TSPAN9: variants seen among roughly 807,000 people sequenced by gnomAD.
The protein encoded by TSPAN9 is tetraspanin 9, also known as tetraspanin-9.
A neutral mutation model predicts 31.0 loss-of-function variants in TSPAN9; 16 were observed. That is an observed-to-expected ratio of 0.52 (90% CI 0.35 to 0.78). The LOEUF (loss-of-function observed/expected upper bound fraction) is 0.78, where lower values mean the gene tolerates loss of function less well. TSPAN9 is among the 30% of genes least tolerant of loss of function. The pLI is 0.01. For synonymous variants in TSPAN9, 145 were observed against 121.6 expected, an observed-to-expected ratio of 1.19 and a Z score of -1.27; for missense variants, 272 against 312.5, an observed-to-expected ratio of 0.87 and a Z score of 0.98.
At chr12:3,096,806 C>T (rs1245659204) in intron 2 of TSPAN9, among the ~76,000 whole-genome samples, 2 of 152,080 alleles carry the variant, frequency 1.3e-5, no homozygotes, top group Non-Finnish European at 2.9e-5. Flanking sequence ...CATTCTCCTG[C>T]CTCAGCCTCC....
intron 2 of TSPAN9, among the ~76,000 whole-genome samples, chr12:3,118,504 G>T (rs1223484814): frequency 6.6e-6 from 1 of 151,700 alleles, no homozygotes; most frequent in African/African-American, 2.4e-5. Context: ...CAGATGATCC[G>T]ACCGCCTTGG....
chr12:3,115,273 C>T (rs1457117438), intron 2 of TSPAN9, among the ~76,000 whole-genome samples: 2 of 152,228 alleles, frequency 1.3e-5, no homozygotes, highest in African/African-American at 2.4e-5. Context: ...CTTTTTAGGG[C>T]TCAGTAATAT....
intron 2 of TSPAN9, among the ~76,000 whole-genome samples, chr12:3,127,782 G>A (rs1449608863): frequency 1.3e-5 from 2 of 152,162 alleles, no homozygotes; most frequent in Non-Finnish European, 2.9e-5. Flanking sequence ...ATAATTGTAT[G>A]TGCTGTGGTA....
At chr12:3,222,855 C>T (rs2098385232) in intron 3 of TSPAN9, among the ~76,000 whole-genome samples, 1 of 152,226 alleles carries the variant, frequency 6.6e-6, no homozygotes, top group East Asian at 1.9e-4. Context: ...CCAGCTGACC[C>T]TGATCCTCAC....
chr12:3,222,138 A>G (rs1431715000), intron 3 of TSPAN9, among the ~76,000 whole-genome samples: 1 of 152,128 alleles, frequency 6.6e-6, no homozygotes, highest in Non-Finnish European at 1.5e-5. Context: ...AATTCTTCCA[A>G]TAAGCATTTA....
intron 3 of TSPAN9, among the ~76,000 whole-genome samples, chr12:3,208,512 CTGG>C (rs1654484088): frequency 6.6e-6 from 1 of 152,200 alleles, no homozygotes; most frequent in African/African-American, 2.4e-5. Context: ...GCCAGCTGGG[CTGG>C]TGGTCACAGT....
rs564534164 is a variant in TSPAN9 at position 3,220,167 on chromosome 12, A to C, written c.63+18911A>C. 4.9e-4 allele frequency among the ~76,000 whole-genome samples: 74 copies of C among 151,112 alleles called. 1 individual carries two copies. In the South Asian group the frequency reaches 0.015, roughly 30 times the overall value. The stretch of plus-strand genomic sequence containing the variant: ...TCTCAAAAAAAAAAAAAAGGAATGA[A>C]TCTAGGAAGTTTCTTCAAAGAGACC... On this transcript the variant is annotated intron_variant, in intron 3 of 8. Transcript: ENST00000011898.
At chr12:3,239,956 A>AGAGGCCT (rs1025837144) in intron 3 of TSPAN9, among the ~76,000 whole-genome samples, 2 of 152,066 alleles carry the variant, frequency 1.3e-5, no homozygotes, top group African/African-American at 4.8e-5. Flanking sequence ...GGTGCAGAGG[A>AGAGGCCT]GAGGCCTGAC....
intron 2 of TSPAN9, among the ~76,000 whole-genome samples, chr12:3,102,777 G>A (rs750898774): frequency 6.6e-6 from 1 of 152,198 alleles, no homozygotes; most frequent in Non-Finnish European, 1.5e-5. Flanking sequence ...GCACAGCATG[G>A]TGACTACAGT....
intron 2 of TSPAN9, among the ~76,000 whole-genome samples, chr12:3,148,152 T>C (rs1254906845): frequency 6.6e-6 from 1 of 152,174 alleles, no homozygotes; most frequent in Non-Finnish European, 1.5e-5. Flanking sequence ...ATGGATTCTA[T>C]AGGGGCTGGA....
At chr12:3,282,930 C>T in intron 8 of TSPAN9, 115 bp from the exon 9 acceptor site, 1 of 966,370 alleles carries the variant, frequency 1.0e-6, no homozygotes, top group Non-Finnish European at 1.6e-6. Context: ...TCCTGGCACA[C>T]CAGTGGCCAT....
At chr12:3,080,847 T>G (rs929784354) in intron 1 of TSPAN9, among the ~76,000 whole-genome samples, 1 of 152,190 alleles carries the variant, frequency 6.6e-6, no homozygotes. Context: ...TGCTGTGTGC[T>G]TAGTAAATGC....
chr12:3,222,020 C>T (rs565287222), intron 3 of TSPAN9, among the ~76,000 whole-genome samples: 1 of 152,332 alleles, frequency 6.6e-6, no homozygotes, highest in African/African-American at 2.4e-5. Context: ...GTTTAAGGAA[C>T]ACGGGACAAG....
intron 3 of TSPAN9, among the ~76,000 whole-genome samples, chr12:3,214,950 C>T (rs117580414): frequency 0.023 from 3,459 of 152,142 alleles, 66 homozygotes; most frequent in South Asian, 0.034. Flanking sequence ...GCCTCTCACC[C>T]GGCTCTACCC....
intron 2 of TSPAN9, among the ~76,000 whole-genome samples, chr12:3,155,776 GA>G (rs1405692386): frequency 6.6e-6 from 1 of 152,192 alleles, no homozygotes; most frequent in African/African-American, 2.4e-5. Context: ...ACGCAGTGAG[GA>G]AAATTGTCCC....
intron 2 of TSPAN9, among the ~76,000 whole-genome samples, chr12:3,177,113 T>A (rs1025165938): frequency 3.3e-5 from 5 of 152,006 alleles, no homozygotes; most frequent in East Asian, 1.9e-4. Context: ...AAAAAAAAAA[T>A]TTAAGCTGAT....
intron 2 of TSPAN9, among the ~76,000 whole-genome samples, chr12:3,116,604 C>T (rs917143676): frequency 1.3e-5 from 2 of 152,140 alleles, no homozygotes; most frequent in African/African-American, 4.8e-5. Flanking sequence ...GTAGGTCACC[C>T]TCACACTGGA....
At position 3,089,094 on chromosome 12, in the gene TSPAN9, T is replaced by A. The variant is rs549065394; in HGVS notation, c.-18+5375T>A. 2.0e-4 allele frequency among the ~76,000 whole-genome samples: 31 copies of A among 151,290 alleles called. No individual in the cohort carries two copies. In the East Asian group the frequency reaches 2.8e-3, roughly 14 times the overall value. On this transcript the variant is annotated intron_variant, in intron 2 of 8. Transcript: ENST00000011898. ...AAAAATGCAAAAAATTAGCCGGGCG[T>A]GGTGGCGGGCGCCTGTAGTCCCAGC... is the stretch of plus-strand genomic sequence containing the variant.
intron 3 of TSPAN9, among the ~76,000 whole-genome samples, chr12:3,221,229 T>C (rs1165890693): frequency 3.3e-5 from 5 of 152,226 alleles, no homozygotes; most frequent in African/African-American, 1.2e-4. Flanking sequence ...CATTCAAATA[T>C]CTGCTTATAC....
Sources: gnomAD v4.1 joint callset for allele counts (sites outside exome capture counted in the v4.1 genomes callset) on GRCh38, gnomAD v4.1.1 for gene constraint, MANE v1.5 for transcripts, NCBI Gene and HGNC (gene_info 2026-07-23, HGNC 2026-07-21) for gene names.